Variants in LINGO3 observed in about 807,000 individuals in gnomAD.
LINGO3 encodes the protein leucine rich repeat and Ig domain containing 3.
For missense variants in LINGO3, 750 were observed against 867.7 expected (o/e 0.86, Z 1.70); for synonymous variants, 427 against 444.2 (o/e 0.96, Z 0.49).
In LINGO3 at chr19:2,290,276, G is replaced by C; in HGVS notation, c.1501C>G (p.Pro501Ala). 6.3e-7 allele frequency: 1 copy of C among 1,591,106 alleles called. No individual in the cohort carries two copies. Among genetic ancestry groups the C allele is most frequent in the Non-Finnish European group, 8.5e-7 (1 of 1,173,346 alleles). Reference sequence around the variant, plus strand: ...TCGCCCGGGGTCCGGTTGGCGGCCGGCTCGGGGCGCACGGTCAGCGTGGCG... The same window carrying C: ...TCGCCCGGGGTCCGGTTGGCGGCCGCCTCGGGGCGCACGGTCAGCGTGGCG... The change falls in exon 1 of 1, where the codon CCG (proline) becomes GCG (alanine). Residue 501 changes from proline (P) to alanine (A), a missense_variant. Physicochemically the swap from Pro to Ala is conservative, Grantham distance 27. Transcript: ENST00000585527. The surrounding 1 kb of genome is among the most constrained non-coding windows in gnomAD (Gnocchi z 6.0).
At chr19:2,307,669 C>T in the LINGO3 span, among the ~76,000 whole-genome samples, 1 of 152,220 alleles carries the variant, frequency 6.6e-6, no homozygotes, top group African/African-American at 2.4e-5. Context: ...TGGACCAGAC[C>T]CGGCTCGGGG....
At chr19:2,298,095 G>A in the LINGO3 span, among the ~76,000 whole-genome samples, 5 of 152,108 alleles carry the variant, frequency 3.3e-5, no homozygotes, top group African/African-American at 1.2e-4. Flanking sequence ...CATCATGTTA[G>A]CCAGGCTGGT....
At chr19:2,304,685 A>C in the LINGO3 span, among the ~76,000 whole-genome samples, 2 of 130,222 alleles carry the variant, frequency 1.5e-5, no homozygotes, top group Admixed American at 8.1e-5. Flanking sequence ...GCGCAGCAGG[A>C]GGGCCCAGCC....
chr19:2,291,549 C>G, exon 1 of LINGO3: 1 of 1,595,386 alleles, frequency 6.3e-7, no homozygotes, highest in Non-Finnish European at 8.5e-7. Context: ...GCGCGGGCAG[C>G]GCGGCCAGGT....
chr19:2,293,316 G>A (rs996034517), upstream of LINGO3, among the ~76,000 whole-genome samples: 1 of 150,804 alleles, frequency 6.6e-6, no homozygotes, highest in Non-Finnish European at 1.5e-5. Flanking sequence ...CACCCTCCTT[G>A]GCCTCCCAAA....
chr19:2,298,318 C>G, the LINGO3 span, among the ~76,000 whole-genome samples: 1 of 151,520 alleles, frequency 6.6e-6, no homozygotes, highest in African/African-American at 2.4e-5. Flanking sequence ...GCAGCCTCCA[C>G]CTCCCCAGCT....
the LINGO3 span, among the ~76,000 whole-genome samples, chr19:2,307,310 G>A: frequency 5.9e-5 from 9 of 152,330 alleles, no homozygotes; most frequent in South Asian, 2.1e-4. Context: ...CACCGTTAGC[G>A]CCCCAAGCAC....
the LINGO3 span, among the ~76,000 whole-genome samples, chr19:2,297,896 G>T: frequency 6.6e-6 from 1 of 151,692 alleles, no homozygotes; most frequent in Non-Finnish European, 1.5e-5. Context: ...GAGCCACCGC[G>T]CCTGGCCTGT....
the LINGO3 span, among the ~76,000 whole-genome samples, chr19:2,301,295 CTCTT>C: frequency 6.6e-6 from 1 of 151,458 alleles, no homozygotes; most frequent in Non-Finnish European, 1.5e-5. Flanking sequence ...ATGCAGGTCT[CTCTT>C]TCTTGGCCCC....
chr19:2,294,142 G>A (rs774069773), upstream of LINGO3, among the ~76,000 whole-genome samples: 7 of 152,194 alleles, frequency 4.6e-5, no homozygotes, highest in Non-Finnish European at 8.8e-5. This position sits in a 1 kb window ranked among gnomAD's most constrained non-coding sequence, Gnocchi z 4.3. Flanking sequence ...GATGTGCTCA[G>A]GGCTAGATGA....
At chr19:2,289,369 G>C (rs545546922), downstream of LINGO3, among the ~76,000 whole-genome samples, 1 of 151,986 alleles carries the variant, frequency 6.6e-6, no homozygotes, top group Non-Finnish European at 1.5e-5. Context: ...TGCCCCCTGC[G>C]GTCAGCTCTG....
chr19:2,297,446 A>G, the LINGO3 span, among the ~76,000 whole-genome samples: 2 of 151,566 alleles, frequency 1.3e-5, no homozygotes, highest in Non-Finnish European at 2.9e-5. Flanking sequence ...CTGGGACTAC[A>G]GGTGCCCGCC....
At chr19:2,294,892 T>TC (rs2025559670), upstream of LINGO3, among the ~76,000 whole-genome samples, 1 of 151,518 alleles carries the variant, frequency 6.6e-6, no homozygotes, top group South Asian at 2.1e-4. The surrounding 1 kb of genome is among the most constrained non-coding windows in gnomAD (Gnocchi z 4.3). Context: ...CTTGGCCGCC[T>TC]CCCCCGCCAG....
At chr19:2,306,681 G>A in the LINGO3 span, among the ~76,000 whole-genome samples, 32 of 152,218 alleles carry the variant, frequency 2.1e-4, no homozygotes, top group South Asian at 4.1e-4. Context: ...GAGAGGGGAC[G>A]TCATTTGCCG....
chr19:2,289,867 A>G (rs1890715645), exon 1 of LINGO3: 1 of 726,230 alleles, frequency 1.4e-6, no homozygotes, highest in South Asian at 1.9e-5. Flanking sequence ...TTGGGCGTCT[A>G]CAAAAAAAGG....
At chr19:2,298,786 A>G in the LINGO3 span, among the ~76,000 whole-genome samples, 2 of 151,790 alleles carry the variant, frequency 1.3e-5, no homozygotes, top group Non-Finnish European at 2.9e-5. Context: ...TGATCCGCCC[A>G]CCTCGGCCTC....
At chr19:2,289,883 T>C in exon 1 of LINGO3, 5 of 857,970 alleles carry the variant, frequency 5.8e-6, no homozygotes, top group Non-Finnish European at 8.8e-6. Flanking sequence ...AAAGGGGAAG[T>C]TCTGCCTGGG....
In LINGO3 at chr19:2,291,985, G is replaced by A. The variant is rs1312615507; in HGVS notation, c.-209C>T. The A allele has an allele frequency of 5.0e-6, 3 of 595,202 alleles. No individual in the cohort carries two copies. The Admixed American group carries it at 6.6e-5, about 13-fold the overall frequency. 36.9% of individuals were successfully genotyped at this position (595,202 alleles called of 1,614,324 possible). ...AAGAATTGCTTGAGTTCAAGAGTTC[G>A]AGACCAGCCTGCACAACATAGCAAG... On this transcript the variant is annotated 5_prime_UTR_variant, in exon 1 of 1. Transcript: ENST00000585527.
At chr19:2,292,334 G>A (rs2025532577), upstream of LINGO3, among the ~76,000 whole-genome samples, 1 of 146,892 alleles carries the variant, frequency 6.8e-6, no homozygotes. Context: ...GGGGGTTGAG[G>A]CCACAGTGAG....
Sources: allele counts gnomAD v4.1 joint callset (sites outside exome capture counted in the v4.1 genomes callset), GRCh38; gene constraint gnomAD v4.1.1; non-coding constraint Gnocchi (gnomAD v3.1); transcripts MANE v1.5; gene names NCBI Gene and HGNC (gene_info 2026-07-23, HGNC 2026-07-21).